The following CACNA1H variants were observed in gnomAD, a reference collection of about 807,000 sequenced individuals.
The protein encoded by CACNA1H is calcium voltage-gated channel subunit alpha1 H, also known as voltage-dependent T-type calcium channel subunit alpha-1H.
Under a neutral mutation model 192.5 loss-of-function variants are expected in CACNA1H, and 149 were observed. The ratio of observed to expected loss-of-function variants is 0.77; its 90% CI spans 0.68 to 0.89. The LOEUF (loss-of-function observed/expected upper bound fraction) is 0.89. Among genes scored for constraint, CACNA1H ranks in the 40% least tolerant of loss-of-function variants. The pLI, the probability that CACNA1H is intolerant of heterozygous loss-of-function variation, is 0.00. For missense variants in CACNA1H, 4,257 were observed against 3,423.5 expected, an observed-to-expected ratio of 1.24 and a Z score of -6.08; for synonymous variants, 2,202 against 1,475.2, an observed-to-expected ratio of 1.49 and a Z score of -11.29.
intron 2 of CACNA1H, among the ~76,000 whole-genome samples, chr16:1,188,499 G>T (rs531222219): frequency 6.6e-6 from 1 of 152,056 alleles, no homozygotes; most frequent in African/African-American, 2.4e-5. Context: ...CATCTTCGGC[G>T]CAGAGATAGC....
intron 2 of CACNA1H, among the ~76,000 whole-genome samples, chr16:1,172,705 G>T (rs1567453442): frequency 6.6e-6 from 1 of 152,188 alleles, no homozygotes; most frequent in Non-Finnish European, 1.5e-5. Context: ...ATGGGTGTGG[G>T]GCAGGGAGGT....
chr16:1,162,548 C>T (rs1963316615), intron 2 of CACNA1H, among the ~76,000 whole-genome samples: 1 of 151,858 alleles, frequency 6.6e-6, no homozygotes, highest in African/African-American at 2.4e-5. Context: ...CATTCGGAGC[C>T]TCGGTTGGCA....
rs1468611981 is a variant in CACNA1H at position 1,201,991 on chromosome 16, T to C, written c.1541T>C (p.Val514Ala). The C allele has an allele frequency of 1.3e-6, 2 of 1,540,316 alleles. No individual in the cohort carries two copies. Among genetic ancestry groups the C allele is most frequent in the Admixed American group, 2.0e-5 (1 of 50,858 alleles). The change falls in exon 9 of 35, where the codon GTG (valine) becomes GCG (alanine). Residue 514 changes from valine to alanine, a missense_variant. Coordinates refer to ENST00000348261, the MANE Select transcript of CACNA1H (RefSeq NM_021098.3). ...CGGGCAGGCAGGCACACAGCCTCGG[T>C]GCACCACCTGGTCTACCACCACCAT... ...QRRAGRHTAS[V>A]HHLVYHHHHH...
At chr16:1,158,532 G>A (rs919466408) in intron 2 of CACNA1H, among the ~76,000 whole-genome samples, 2 of 152,196 alleles carry the variant, frequency 1.3e-5, no homozygotes, top group African/African-American at 4.8e-5. Context: ...CCCGTGGGAC[G>A]TCATCTTGTT....
chr16:1,220,931 G>A lies in CACNA1H; in HGVS notation c.6999G>A (p.Leu2333=), dbSNP rs1970437746. ...ACCTCACAGTCCCCCAGTGTCCTCT[G>A]GAGAAACCAGGGTCCCCCTCAGCCA... is the stretch of plus-strand genomic sequence containing the variant. ...GLYLTVPQCP[L]EKPGSPSATP... is the part of the protein sequence containing the mutation. Residue 2333 remains leucine, a synonymous_variant, in exon 35 of 35, where the codon CTG becomes CTA. Coordinates refer to ENST00000348261, the MANE Select transcript of CACNA1H (RefSeq NM_021098.3). The A allele has an allele frequency of 6.2e-7, 1 of 1,609,412 alleles. No homozygotes were observed. The highest frequency in any genetic ancestry group is 1.1e-5 in the South Asian group (1 of 90,948).
intron 2 of CACNA1H, among the ~76,000 whole-genome samples, chr16:1,160,767 G>A (rs1196584558): frequency 3.3e-5 from 5 of 152,150 alleles, no homozygotes; most frequent in South Asian, 2.1e-4. Flanking sequence ...TCTTGCTGCC[G>A]CCCGGTCGCT....
intron 2 of CACNA1H, among the ~76,000 whole-genome samples, chr16:1,168,270 A>C (rs1276227394): frequency 6.6e-6 from 1 of 151,718 alleles, no homozygotes; most frequent in East Asian, 1.9e-4. Flanking sequence ...GACGCTGGCC[A>C]TCCAGCAACC....
At chr16:1,207,629 C>T (rs1968897528) in intron 14 of CACNA1H, 141 bp from the exon 15 acceptor site, 5 of 918,938 alleles carry the variant, frequency 5.4e-6, no homozygotes, top group South Asian at 1.6e-5. Context: ...CCTCACCTAC[C>T]TGCCCACCCT....
rs1330183920 is a variant in CACNA1H at position 1,208,187 on chromosome 16, C to T, written c.3329C>T (p.Ser1110Phe). The change falls in exon 16 of 35, where the codon TCC (serine) becomes TTC (phenylalanine). Residue 1110 changes from serine (S) to phenylalanine (F), a missense_variant. Physicochemically the swap from Ser to Phe is radical, Grantham distance 155. Transcript: ENST00000348261. Reference sequence around the variant, plus strand: ...GACTCTCGGCGTGGCAGCAGCAGCTCCGGGGACCCGCCACTGGGAGACCAG... The same window carrying T: ...GACTCTCGGCGTGGCAGCAGCAGCTTCGGGGACCCGCCACTGGGAGACCAG... ...LPDSRRGSSS[S>F]GDPPLGDQKP... is the part of the protein sequence containing the mutation. The T allele has an allele frequency of 1.3e-6, 2 of 1,545,742 alleles. No individual in the cohort carries two copies. Among genetic ancestry groups the T allele is most frequent in the Non-Finnish European group, 1.7e-6 (2 of 1,148,186 alleles).
rs541249511 is a variant in CACNA1H, at chr16:1,212,094, G to A, written c.4715G>A (p.Arg1572Gln). ...CACCAGGAGGCGGAGGAGGCGCGGCGGCGAGAGGAGAAGCGGCTGCGGCGC... is the reference window on the plus strand; with the variant it reads ...CACCAGGAGGCGGAGGAGGCGCGGCAGCGAGAGGAGAAGCGGCTGCGGCGC... ...RQHQEAEEAR[R>Q]REEKRLRRLE... is the part of the protein sequence containing the mutation. Residue 1572 changes from arginine to glutamine, a missense_variant, in exon 25 of 35, where the codon CGG (arginine) becomes CAG (glutamine). By Grantham distance (43) the Arg-to-Gln change is conservative. Transcript: ENST00000348261. 4.4e-5 allele frequency: 71 copies of A among 1,611,706 alleles called. No homozygotes were observed. The East Asian group carries it at 1.0e-3, about 23-fold the overall frequency.
chr16:1,206,913 T>TCCCCCCCCCCCCCCC, intron 12 of CACNA1H, 88 bp from the exon 13 acceptor site: 2 of 70,704 alleles, frequency 2.8e-5, no homozygotes, highest in Non-Finnish European at 5.3e-5. Flanking sequence ...TGCCCCTCCC[T>TCCCCCCCCCCCCCCC]CCTCCCACCC....
chr16:1,177,368 C>T (rs777793270), intron 2 of CACNA1H, among the ~76,000 whole-genome samples: 3 of 152,238 alleles, frequency 2.0e-5, no homozygotes, highest in South Asian at 4.1e-4. Context: ...AGTTCAGGGC[C>T]GAGGGCCCTC....
In CACNA1H at chr16:1,210,106, G is replaced by T; in HGVS notation, c.3816G>T (p.Trp1272Cys). Residue 1272 changes from tryptophan to cysteine, a missense_variant, in exon 18 of 35, where the codon TGG becomes TGT. Trp to Cys is a radical substitution (Grantham distance 215). Coordinates refer to ENST00000348261, the MANE Select transcript of CACNA1H (RefSeq NM_021098.3). ...KPQWCRSREA[W>C]ALYLFSPQNR... Reference sequence around the variant, plus strand: ...AGTGGTGCCGGAGCCGCGAGGCCTGGGCCCTCTACCTCTTCTCCCCACAGA... The same window carrying T: ...AGTGGTGCCGGAGCCGCGAGGCCTGTGCCCTCTACCTCTTCTCCCCACAGA... The T allele has an allele frequency of 6.4e-7, 1 of 1,560,000 alleles. No individual in the cohort carries two copies.
At position 1,154,022 on chromosome 16, in the gene CACNA1H, G is replaced by T; in HGVS notation, c.285G>T (p.Arg95=). ...QTTRPRSWCL[R]LVCNPWFEHV... ...CGCGGCCGCGCAGCTGGTGCCTCCG[G>T]CTGGTCTGCAACCCATATCCTTCCC... Residue 95 remains arginine, a synonymous_variant, in exon 2 of 35, where the codon CGG becomes CGT. Transcript: ENST00000348261. The T allele has an allele frequency of 7.2e-7, 1 of 1,383,180 alleles. No individual in the cohort carries two copies. The highest frequency in any genetic ancestry group is 1.4e-5 in the South Asian group (1 of 69,798). 85.7% of individuals were successfully genotyped at this position (1,383,180 alleles called of 1,614,324 possible). A position where few individuals can be genotyped will look rare whatever the true frequency, so the allele number is the denominator to read the frequency against.
At chr16:1,191,078 C>T (rs577591012) in intron 2 of CACNA1H, among the ~76,000 whole-genome samples, 2 of 131,422 alleles carry the variant, frequency 1.5e-5, no homozygotes, top group Non-Finnish European at 1.6e-5. Flanking sequence ...CAGGCACACT[C>T]GGGGTCTCTC....
intron 9 of CACNA1H, 133 bp downstream of exon 9, chr16:1,202,585 C>T (rs1057042702): frequency 2.4e-5 from 20 of 825,864 alleles, no homozygotes; most frequent in South Asian, 1.6e-4. Context: ...AACAGACCAG[C>T]TATGCCTCTG....
intron 33 of CACNA1H, 142 bp downstream of exon 33, chr16:1,218,793 AG>A: frequency 7.9e-6 from 9 of 1,133,924 alleles, no homozygotes; most frequent in Middle Eastern, 6.0e-4. Flanking sequence ...GGCAGGCAGG[AG>A]GGAGGATGGA....
intron 2 of CACNA1H, among the ~76,000 whole-genome samples, chr16:1,158,627 C>T (rs534634544): frequency 3.2e-4 from 48 of 152,344 alleles, no homozygotes; most frequent in African/African-American, 1.1e-3. Context: ...ACTCAGGCCC[C>T]GCTGGGGAGG....
chr16:1,158,054 G>T (rs1962665300), intron 2 of CACNA1H: 1 of 152,308 alleles, frequency 6.6e-6, no homozygotes, highest in Admixed American at 6.5e-5. Flanking sequence ...TGCAGGGATG[G>T]ATCCATTAGT....
Sources: allele counts gnomAD v4.1 joint callset (sites outside exome capture counted in the v4.1 genomes callset), GRCh38; gene constraint gnomAD v4.1.1; transcripts MANE v1.5; gene names NCBI Gene and HGNC (gene_info 2026-07-23, HGNC 2026-07-21).